The following CNTLN variants were observed in gnomAD, a reference collection of about 807,000 sequenced individuals.
CNTLN encodes the protein centlein, also known as centlein, centrosomal protein.
In CNTLN, 212 loss-of-function variants were observed where a neutral mutation model predicts 180.0. That is an observed-to-expected ratio of 1.18 (90% CI 1.05 to 1.32). The LOEUF (loss-of-function observed/expected upper bound fraction) is 1.32. Ranked by LOEUF, CNTLN falls within the 40% of genes most tolerant of loss-of-function variation. The probability of loss-of-function intolerance (pLI) is 0.00; values close to 1 mark genes in which losing one functional copy is unlikely to be tolerated. For missense variants in CNTLN, 2,095 were observed against 1,610.9 expected (o/e 1.30, Z -5.14); for synonymous variants, 722 against 563.1 (o/e 1.28, Z -3.99).
intron 22 of CNTLN, 34 bp from the exon 23 acceptor site, chr9:17,466,672 T>C (rs1435124019): frequency 6.4e-7 from 1 of 1,551,674 alleles, no homozygotes; most frequent in Non-Finnish European, 8.7e-7. Flanking sequence ...GTTTATAAAA[T>C]ATCTTTTATT....
chr9:17,384,517 T>G (rs1259741915), intron 13 of CNTLN, among the ~76,000 whole-genome samples: 3 of 152,072 alleles, frequency 2.0e-5, no homozygotes. Context: ...AGTGTAACAG[T>G]CATATCAAGT....
rs192017700 is a variant in CNTLN, at chr9:17,392,872, A to G, written c.2080-1662A>G. ...AATTCATGTTTAGGAAACAATTTAC[A>G]TCTTCACTATTACAAGTAAAGTTTA... On this transcript the variant is annotated intron_variant, in intron 14 of 25. Coordinates refer to ENST00000380647, the MANE Select transcript of CNTLN (RefSeq NM_017738.4). Among the ~76,000 whole-genome samples, 313 of 152,304 alleles carry G rather than the reference A, an allele frequency of 2.1e-3. 3 individuals are homozygous for G. The highest frequency in any genetic ancestry group is 7.1e-3 in the African/African-American group (297 of 41,568).
intron 23 of CNTLN, among the ~76,000 whole-genome samples, chr9:17,476,911 G>A (rs1254065845): frequency 1.3e-5 from 2 of 152,176 alleles, no homozygotes; most frequent in Admixed American, 6.5e-5. Flanking sequence ...GGAAGAAGAT[G>A]GCATCTAAGA....
intron 14 of CNTLN, among the ~76,000 whole-genome samples, chr9:17,393,178 A>C (rs1826239256): frequency 6.6e-6 from 1 of 151,996 alleles, no homozygotes; most frequent in South Asian, 2.1e-4. Flanking sequence ...GGTCTCTTAT[A>C]ATAGCACTAA....
intron 25 of CNTLN, among the ~76,000 whole-genome samples, chr9:17,487,649 A>T (rs564262201): frequency 1.3e-5 from 2 of 152,240 alleles, no homozygotes; most frequent in South Asian, 2.1e-4. Context: ...ACATTTTCCT[A>T]TCGACATTTT....
At chr9:17,297,189 C>G (rs599626) in intron 6 of CNTLN, among the ~76,000 whole-genome samples, 1 of 151,904 alleles carries the variant, frequency 6.6e-6, no homozygotes, top group African/African-American at 2.4e-5. Context: ...TACAGTATAA[C>G]ATTATTTGCA....
At chr9:17,182,429 TCC>T (rs1821180284) in intron 2 of CNTLN, among the ~76,000 whole-genome samples, 1 of 152,102 alleles carries the variant, frequency 6.6e-6, no homozygotes, top group African/African-American at 2.4e-5. Context: ...CTGCCTTTTT[TCC>T]CCCACTTCAG....
intron 1 of CNTLN, among the ~76,000 whole-genome samples, chr9:17,141,727 A>G (rs552192862): frequency 2.8e-4 from 42 of 152,188 alleles, no homozygotes; most frequent in Non-Finnish European, 5.4e-4. Flanking sequence ...GAATTTGCCT[A>G]TCATGTAGAT....
At chr9:17,352,408 ATATATATATTTT>A (rs746514849) in intron 12 of CNTLN, among the ~76,000 whole-genome samples, 3,984 of 45,282 alleles carry the variant, frequency 0.088, 95 homozygotes, top group African/African-American at 0.15. Flanking sequence ...ATATATATAT[ATATATATATTTT>A]TTTTTTTTTT....
chr9:17,338,579 C>T (rs1189589393), intron 10 of CNTLN, among the ~76,000 whole-genome samples: 1 of 151,836 alleles, frequency 6.6e-6, no homozygotes, highest in Non-Finnish European at 1.5e-5. Context: ...ATAATTAACT[C>T]ATGTTCATAT....
chr9:17,373,375 C>T (rs955950396), intron 13 of CNTLN, among the ~76,000 whole-genome samples: 1 of 152,108 alleles, frequency 6.6e-6, no homozygotes, highest in Non-Finnish European at 1.5e-5. Flanking sequence ...ATTCCATTTA[C>T]AGCAGCTACA....
intron 6 of CNTLN, among the ~76,000 whole-genome samples, chr9:17,295,443 T>G (rs901560643): frequency 6.6e-6 from 1 of 152,152 alleles, no homozygotes; most frequent in Non-Finnish European, 1.5e-5. Flanking sequence ...GAGCTCGCAT[T>G]ACTCTGTGTG....
chr9:17,233,977 A>G (rs1017593847), intron 3 of CNTLN, among the ~76,000 whole-genome samples: 1 of 152,146 alleles, frequency 6.6e-6, no homozygotes, highest in Admixed American at 6.6e-5. Context: ...TGAGATATCA[A>G]AGATAATGGT....
rs1218422426 is a variant in CNTLN at position 17,179,682 on chromosome 9, A to G, written c.449+36306A>G. 4.6e-5 allele frequency among the ~76,000 whole-genome samples: 7 copies of G among 152,168 alleles called. No homozygotes were observed. The East Asian group carries it at 1.3e-3, about 29-fold the overall frequency. ...GTTCCATAAATATTGATTAGATCCT[A>G]TAGGTTGATTTTGTTGCTGAGCTCT... On this transcript the variant is annotated intron_variant, in intron 2 of 25. Transcript: ENST00000380647.
Position 17,330,645 on chromosome 9 carries a change from C to T in CNTLN, c.1355C>T (p.Pro452Leu), listed in dbSNP as rs1355066269. The T allele has an allele frequency of 1.9e-6, 3 of 1,588,854 alleles. No homozygotes were observed. The highest frequency in any genetic ancestry group is 1.2e-5 in the South Asian group (1 of 86,426). Reference sequence around the variant, plus strand: ...TTTTTAAAATAGGTACCTCATCGCCCATCCTTATCAAGCTTAGAAACGTTA... The same window carrying T: ...TTTTTAAAATAGGTACCTCATCGCCTATCCTTATCAAGCTTAGAAACGTTA... Reference protein sequence around the residue: ...PDYSAQVPHRPSLSSLETLMV... With the variant: ...PDYSAQVPHRLSLSSLETLMV... The change falls in exon 9 of 26, where the codon CCA (proline) becomes CTA (leucine). Residue 452 changes from proline to leucine, a missense_variant. Coordinates refer to ENST00000380647, the MANE Select transcript of CNTLN (RefSeq NM_017738.4).
chr9:17,375,418 A>AGT (rs1377114666), intron 13 of CNTLN, among the ~76,000 whole-genome samples: 1 of 152,192 alleles, frequency 6.6e-6, no homozygotes, highest in East Asian at 1.9e-4. Flanking sequence ...GTAAAAGTTA[A>AGT]GTGCTTGAGG....
At chr9:17,204,079 C>T (rs1372892255) in intron 2 of CNTLN, among the ~76,000 whole-genome samples, 2 of 152,194 alleles carry the variant, frequency 1.3e-5, no homozygotes, top group Admixed American at 6.5e-5. Context: ...TATCCACGTT[C>T]TTAGCTTCTT....
At chr9:17,495,045 AT>A (rs1377608601) in intron 25 of CNTLN, 30 of 388,094 alleles carry the variant, frequency 7.7e-5, no homozygotes, top group Non-Finnish European at 1.2e-4. Flanking sequence ...TGCCCAGCTA[AT>A]TTTTTTTATC....
At chr9:17,461,822 G>A (rs1057352191) in intron 19 of CNTLN, among the ~76,000 whole-genome samples, 1 of 151,414 alleles carries the variant, frequency 6.6e-6, no homozygotes, top group Non-Finnish European at 1.5e-5. Flanking sequence ...ACACTATCTT[G>A]AGTGTGGAAA....
Sources: gnomAD v4.1 joint callset for allele counts (sites outside exome capture counted in the v4.1 genomes callset) on GRCh38, gnomAD v4.1.1 for gene constraint, MANE v1.5 for transcripts, NCBI Gene and HGNC (gene_info 2026-07-23, HGNC 2026-07-21) for gene names.